CUX1: variants seen among roughly 807,000 people sequenced by gnomAD.
CUX1 encodes protein CASP.
A neutral mutation model predicts 158.8 loss-of-function variants in CUX1; 31 were observed. That is an observed-to-expected ratio of 0.20 (90% CI 0.15 to 0.26). The LOEUF (loss-of-function observed/expected upper bound fraction) is 0.26. Ranked by LOEUF, CUX1 falls within the 10% of genes least tolerant of loss-of-function variation. CUX1 has a pLI of 1.00. For synonymous variants in CUX1, 879 were observed against 862.1 expected, an observed-to-expected ratio of 1.02 and a Z score of -0.34; for missense variants, 1,589 against 2,014.6, an observed-to-expected ratio of 0.79 and a Z score of 4.04.
chr7:102,179,534 C>G (rs1792794968), intron 11 of CUX1, among the ~76,000 whole-genome samples: 1 of 152,222 alleles, frequency 6.6e-6, no homozygotes, highest in Non-Finnish European at 1.5e-5. Flanking sequence ...TGGCCCCTGT[C>G]CAGGTGCTGC....
intron 3 of CUX1, among the ~76,000 whole-genome samples, chr7:102,037,234 C>T (rs1484908673): frequency 6.6e-6 from 1 of 152,160 alleles, no homozygotes; most frequent in East Asian, 1.9e-4. Context: ...TGGAGCCCTA[C>T]CTTACACCGT....
At chr7:102,279,463 G>T (rs1271167252) in intron 18 of CUX1, among the ~76,000 whole-genome samples, 2 of 152,220 alleles carry the variant, frequency 1.3e-5, no homozygotes. Context: ...AGGCCTGTGC[G>T]TGGCTTCTCT....
chr7:101,949,824 G>A (rs1420973472), intron 2 of CUX1, among the ~76,000 whole-genome samples: 2 of 150,874 alleles, frequency 1.3e-5, no homozygotes, highest in Non-Finnish European at 3.0e-5. Flanking sequence ...GAGCCACCAC[G>A]CCTAGCGAGT....
chr7:102,046,739 G>C (rs1822864052), intron 3 of CUX1, among the ~76,000 whole-genome samples: 1 of 151,864 alleles, frequency 6.6e-6, no homozygotes, highest in African/African-American at 2.4e-5. Flanking sequence ...ACTACACCCA[G>C]CTAATTTTTG....
chr7:101,902,784 C>G (rs974173823), intron 1 of CUX1, among the ~76,000 whole-genome samples: 1 of 152,148 alleles, frequency 6.6e-6, no homozygotes, highest in African/African-American at 2.4e-5. Context: ...CCAAATCAAC[C>G]TTCATGGGCA....
intron 2 of CUX1, among the ~76,000 whole-genome samples, chr7:102,023,560 AC>A (rs1341207814): frequency 6.6e-6 from 1 of 151,888 alleles, no homozygotes; most frequent in Non-Finnish European, 1.5e-5. Context: ...AGCCTCAACC[AC>A]CCGGGTTGAG....
chr7:101,885,278 A>G (rs1017818526), intron 1 of CUX1, among the ~76,000 whole-genome samples: 2 of 152,012 alleles, frequency 1.3e-5, no homozygotes, highest in African/African-American at 4.8e-5. Context: ...AAGTGCCCAG[A>G]TTCCCCCCTA....
rs1794838206 is a variant in CUX1 at position 102,196,713 on chromosome 7, G to A, written c.1302G>A (p.Leu434=). ...TGCCGGCCCCCCCTCCTTCTCAGTT[G>A]CCCCGCAACCCGGGGGAGCAGGCTT... ...GSLPAPPPSQ[L]PRNPGEQASN... Residue 434 remains leucine (L), a synonymous_variant, in exon 15 of 24, where the codon TTG becomes TTA. Coordinates refer to ENST00000292535, the MANE Select transcript of CUX1 (RefSeq NM_181552.4). 7 of 1,610,442 alleles carry A rather than the reference G, an allele frequency of 4.3e-6. No homozygotes were observed. Among genetic ancestry groups the A allele is most frequent in the African/African-American group, 1.3e-5 (1 of 74,804 alleles).
In CUX1 at chr7:102,204,533, T is replaced by G; in HGVS notation, c.3050T>G (p.Val1017Gly). ...GAGCTAGGCCAGGGTGTTCTACCCGTCCAGGGCCAGCAGCAAGGGCCAGGT... is the reference window on the plus strand; with the variant it reads ...GAGCTAGGCCAGGGTGTTCTACCCGGCCAGGGCCAGCAGCAAGGGCCAGGT... ...NGELGQGVLP[V>G]QGQQQGPVLH... is the part of the protein sequence containing the mutation. Residue 1017 changes from valine to glycine, a missense_variant, in exon 19 of 24, where the codon GTC (valine) becomes GGC (glycine). Val to Gly is a moderately radical substitution (Grantham distance 109, BLOSUM62 -3). This residue lies in a region of CUX1 where 259 missense variants were observed against 373.8 expected (regional missense o/e 0.69). Transcript: ENST00000292535. 6.2e-7 allele frequency: 1 copy of G among 1,613,394 alleles called. No homozygotes were observed. Among genetic ancestry groups the G allele is most frequent in the South Asian group, 1.1e-5 (1 of 91,092 alleles).
intron 3 of CUX1, among the ~76,000 whole-genome samples, chr7:102,067,543 T>C (rs1265428188): frequency 2.0e-5 from 3 of 150,904 alleles, no homozygotes; most frequent in Non-Finnish European, 4.4e-5. Flanking sequence ...ACCACAACTC[T>C]ATTTTTTTTT....
At chr7:102,117,217 G>A (rs782495731) in intron 8 of CUX1, among the ~76,000 whole-genome samples, 2 of 151,946 alleles carry the variant, frequency 1.3e-5, no homozygotes, top group Admixed American at 6.6e-5. Flanking sequence ...GGCCAACATG[G>A]CAAAACCCCA....
At chr7:101,932,526 A>T in intron 2 of CUX1, 1 of 450,508 alleles carries the variant, frequency 2.2e-6, no homozygotes, top group Non-Finnish European at 4.5e-6. Context: ...GTTCAGTTAC[A>T]TGTGCTTTTG....
chr7:102,037,557 G>C (rs1331597528), intron 3 of CUX1, among the ~76,000 whole-genome samples: 1 of 151,322 alleles, frequency 6.6e-6, no homozygotes, highest in African/African-American at 2.4e-5. Flanking sequence ...TCTCTGTGTT[G>C]GTCAGGCTGG....
At chr7:102,129,379 G>T (rs1456668505) in intron 8 of CUX1, among the ~76,000 whole-genome samples, 1 of 117,700 alleles carries the variant, frequency 8.5e-6, no homozygotes, top group Non-Finnish European at 1.9e-5. Context: ...TCATAGATGG[G>T]TCTCTAAAAA....
At chr7:102,002,730 CA>C (rs1438193453) in intron 2 of CUX1, among the ~76,000 whole-genome samples, 1 of 152,138 alleles carries the variant, frequency 6.6e-6, no homozygotes, top group Non-Finnish European at 1.5e-5. Flanking sequence ...GGCCACCCGG[CA>C]GTGAGTGCTC....
At chr7:102,161,899 C>T (rs1433088103) in intron 9 of CUX1, among the ~76,000 whole-genome samples, 1 of 152,114 alleles carries the variant, frequency 6.6e-6, no homozygotes, top group South Asian at 2.1e-4. Flanking sequence ...AGAGCCACCG[C>T]GCCCAGCCGG....
intron 2 of CUX1, among the ~76,000 whole-genome samples, chr7:101,948,931 C>T (rs1311541386): frequency 6.6e-6 from 1 of 152,140 alleles, no homozygotes; most frequent in Non-Finnish European, 1.5e-5. Flanking sequence ...AGGACCCTGC[C>T]CATCACTGGT....
At chr7:102,146,586 T>C (rs1357243524) in intron 8 of CUX1, among the ~76,000 whole-genome samples, 5 of 152,088 alleles carry the variant, frequency 3.3e-5, no homozygotes, top group African/African-American at 1.2e-4. Flanking sequence ...TGTTCGTTGG[T>C]TTGTTTTTTC....
chr7:102,136,099 C>G (rs543090607), intron 8 of CUX1, among the ~76,000 whole-genome samples: 1 of 151,574 alleles, frequency 6.6e-6, no homozygotes, highest in Non-Finnish European at 1.5e-5. Context: ...GTTTGTTATT[C>G]TTTAATACTC....
Sources: allele counts gnomAD v4.1 joint callset (sites outside exome capture counted in the v4.1 genomes callset), GRCh38; gene constraint gnomAD v4.1.1; regional missense constraint gnomAD v4.1.1; transcripts MANE v1.5; gene names NCBI Gene and HGNC (gene_info 2026-07-23, HGNC 2026-07-21).